Variants in CCSER1 observed in about 807,000 individuals in gnomAD.
The protein encoded by CCSER1 is serine-rich coiled-coil domain-containing protein 1.
In CCSER1, 41 loss-of-function variants were observed where a neutral mutation model predicts 82.0. The ratio of observed to expected loss-of-function variants is 0.50; its 90% CI spans 0.39 to 0.65. The LOEUF (loss-of-function observed/expected upper bound fraction) is 0.65. Ranked by LOEUF, CCSER1 falls within the 30% of genes least tolerant of loss-of-function variation. The probability of loss-of-function intolerance (pLI) is 0.00; values close to 1 mark genes in which losing one functional copy is unlikely to be tolerated. For missense variants in CCSER1, 1,119 were observed against 1,064.2 expected (o/e 1.05, Z -0.72); for synonymous variants, 414 against 383.9 (o/e 1.08, Z -0.92).
intron 1 of CCSER1, among the ~76,000 whole-genome samples, chr4:90,279,836 A>G (rs1363663655): frequency 2.0e-5 from 3 of 152,012 alleles, no homozygotes; most frequent in Non-Finnish European, 4.4e-5. Context: ...GTATTAATGT[A>G]TGGTATGAAT....
rs146363069 is a variant in CCSER1 at position 91,601,148 on chromosome 4, G to A, written c.*2091G>A. 91 of 151,940 alleles carry A rather than the reference G, an allele frequency of 6.0e-4. No homozygotes were observed. Among genetic ancestry groups the A allele is most frequent in the African/African-American group, 2.1e-3 (89 of 41,490 alleles). 9.4% of individuals were successfully genotyped at this position (151,940 alleles called of 1,614,324 possible). On this transcript the variant is annotated 3_prime_UTR_variant, in exon 11 of 11. Coordinates refer to ENST00000509176, the MANE Select transcript of CCSER1 (RefSeq NM_001145065.2). ...AATAATGTTTTTGATTTGGACTTTT[G>A]GAGTTGATAGTTTTGTTTTCCTGGA...
intron 9 of CCSER1, among the ~76,000 whole-genome samples, chr4:91,057,664 C>T (rs1016052865): frequency 6.6e-6 from 1 of 152,124 alleles, no homozygotes; most frequent in Admixed American, 6.6e-5. Context: ...AACAAGCTTA[C>T]CCACTCTCTG....
At chr4:91,041,626 A>T (rs1453106774) in intron 9 of CCSER1, among the ~76,000 whole-genome samples, 2 of 152,220 alleles carry the variant, frequency 1.3e-5, no homozygotes, top group Non-Finnish European at 2.9e-5. Context: ...ACCAGGTGTT[A>T]CAGGCTTACC....
rs1377054935 is a variant in CCSER1, at chr4:90,271,874, T to A, written c.-41-36370T>A. On this transcript the variant is annotated intron_variant, in intron 1 of 10. Transcript: ENST00000509176. ...TATATATATATATATTTTTTTTTTT[T>A]TTTTTTTTTTTTTTTTAAAAGGAGG... Among the ~76,000 whole-genome samples the A allele has an allele frequency of 1.5e-3, 124 of 83,100 alleles. 1 individual carries two copies. The highest frequency in any genetic ancestry group is 6.7e-3 in the African/African-American group (101 of 15,082). 54.5% of individuals were successfully genotyped at this position (83,100 alleles called of 152,430 possible).
chr4:91,204,957 A>G (rs1315423108), intron 10 of CCSER1, among the ~76,000 whole-genome samples: 1 of 151,734 alleles, frequency 6.6e-6, no homozygotes, highest in Admixed American at 6.6e-5. Flanking sequence ...AAAAAGTTAT[A>G]TATGGATGTA....
At chr4:90,629,161 T>C (rs192442315) in intron 6 of CCSER1, among the ~76,000 whole-genome samples, 8 of 152,280 alleles carry the variant, frequency 5.3e-5, no homozygotes, top group African/African-American at 1.9e-4. Context: ...TTGATAATAA[T>C]GCTAGCAGCT....
At chr4:90,144,764 C>T (rs1294461373) in intron 1 of CCSER1, among the ~76,000 whole-genome samples, 1 of 152,058 alleles carries the variant, frequency 6.6e-6, no homozygotes, top group Non-Finnish European at 1.5e-5. Context: ...GTATTTTATG[C>T]ATTATGGGAA....
chr4:91,462,833 G>T (rs923933799), intron 10 of CCSER1, among the ~76,000 whole-genome samples: 1 of 152,266 alleles, frequency 6.6e-6, no homozygotes, highest in South Asian at 2.1e-4. Flanking sequence ...AATTGCTGAG[G>T]CTTGAGTAGG....
At chr4:90,824,213 A>T (rs145873770) in intron 8 of CCSER1, among the ~76,000 whole-genome samples, 1 of 152,088 alleles carries the variant, frequency 6.6e-6, no homozygotes. Flanking sequence ...ATTGAAAATT[A>T]TATTCTTACT....
intron 10 of CCSER1, among the ~76,000 whole-genome samples, chr4:91,173,852 T>A (rs963484176): frequency 6.6e-6 from 1 of 152,196 alleles, no homozygotes; most frequent in Non-Finnish European, 1.5e-5. Flanking sequence ...CTATGTTATA[T>A]TCACTATTCT....
In CCSER1 at chr4:90,415,132, A is replaced by G. The variant is rs115522839; in HGVS notation, c.1603+15003A>G. Among the ~76,000 whole-genome samples, 377 of 152,340 alleles carry G rather than the reference A, an allele frequency of 2.5e-3. 2 individuals are homozygous for G. The highest frequency in any genetic ancestry group is 8.6e-3 in the African/African-American group (357 of 41,580). Reference sequence around the variant, plus strand: ...AAAGAAAATCAGTTGAAAAATCAAAATATATATCATCAATCATTCAATCAG... The same window carrying G: ...AAAGAAAATCAGTTGAAAAATCAAAGTATATATCATCAATCATTCAATCAG... On this transcript the variant is annotated intron_variant, in intron 4 of 10. Transcript: ENST00000509176.
At chr4:90,215,171 A>G (rs765189530) in intron 1 of CCSER1, among the ~76,000 whole-genome samples, 26 of 152,234 alleles carry the variant, frequency 1.7e-4, no homozygotes, top group Non-Finnish European at 3.7e-4. Context: ...AGATTCTCCT[A>G]AGCATGTTCA....
At chr4:90,743,611 T>C (rs1035175587) in intron 7 of CCSER1, among the ~76,000 whole-genome samples, 1 of 152,194 alleles carries the variant, frequency 6.6e-6, no homozygotes, top group Non-Finnish European at 1.5e-5. Flanking sequence ...TTAGACTAGT[T>C]AGGACCTGCT....
chr4:90,612,719 C>T (rs1785695268), intron 5 of CCSER1, among the ~76,000 whole-genome samples: 1 of 151,966 alleles, frequency 6.6e-6, no homozygotes, highest in Admixed American at 6.6e-5. Flanking sequence ...AACCAAATAC[C>T]ATAAAAAGGC....
At chr4:90,513,420 T>C (rs1771830341) in intron 5 of CCSER1, among the ~76,000 whole-genome samples, 1 of 152,336 alleles carries the variant, frequency 6.6e-6, no homozygotes, top group African/African-American at 2.4e-5. Flanking sequence ...CCTCTGATAA[T>C]GAGCATGTCA....
intron 5 of CCSER1, among the ~76,000 whole-genome samples, chr4:90,617,862 A>T (rs1721582842): frequency 6.6e-6 from 1 of 152,266 alleles, no homozygotes. Context: ...TCCTTGCAAC[A>T]GATGTTCATA....
intron 10 of CCSER1, among the ~76,000 whole-genome samples, chr4:91,371,144 T>G (rs1377132649): frequency 1.3e-5 from 2 of 152,194 alleles, no homozygotes; most frequent in Non-Finnish European, 2.9e-5. Context: ...ATTACAGGCA[T>G]GAGCCACCAC....
At chr4:90,490,999 A>G (rs1177793440) in intron 5 of CCSER1, among the ~76,000 whole-genome samples, 1 of 152,188 alleles carries the variant, frequency 6.6e-6, no homozygotes, top group East Asian at 1.9e-4. Context: ...TGTCTTGGCA[A>G]TGCGGGCCCT....
intron 10 of CCSER1, among the ~76,000 whole-genome samples, chr4:91,327,350 G>T (rs1407448238): frequency 1.3e-5 from 2 of 152,230 alleles, no homozygotes; most frequent in South Asian, 2.1e-4. Context: ...AAGGCTTGGG[G>T]CTTACACCCT....
Sources: gnomAD v4.1 joint callset for allele counts (sites outside exome capture counted in the v4.1 genomes callset) on GRCh38, gnomAD v4.1.1 for gene constraint, MANE v1.5 for transcripts, NCBI Gene and HGNC (gene_info 2026-07-23, HGNC 2026-07-21) for gene names.